CECR2: variants seen among roughly 807,000 people sequenced by gnomAD.
CECR2 encodes the protein chromatin remodeling regulator CECR2.
CECR2 carries 30 observed loss-of-function variants against 154.5 expected under a neutral mutation model. The observed-to-expected ratio is 0.19, with a 90% CI of 0.15 to 0.26. The LOEUF (loss-of-function observed/expected upper bound fraction) is 0.26. CECR2 is among the 10% of genes least tolerant of loss of function. The pLI is 1.00. For synonymous variants in CECR2, 725 were observed against 683.7 expected (o/e 1.06, Z -0.94); for missense variants, 1,743 against 1,829.3 (o/e 0.95, Z 0.86).
Position 17,456,149 on chromosome 22 carries a change from C to T in CECR2, c.127-21439C>T, listed in dbSNP as rs116884359. On this transcript the variant is annotated intron_variant, in intron 1 of 18. Coordinates refer to ENST00000262608, the MANE Select transcript of CECR2 (RefSeq NM_001290047.2). ...TCAATTATTATTATTATTATTATTG[C>T]AACACACTGAATAGTCTACTGTTGT... 8.3e-3 allele frequency among the ~76,000 whole-genome samples: 1,255 copies of T among 150,882 alleles called. 68 individuals carry two copies. In the East Asian group the frequency reaches 0.15, roughly 18 times the overall value.
intron 16 of CECR2, among the ~76,000 whole-genome samples, chr22:17,544,769 C>T (rs5992733): frequency 0.067 from 9,407 of 140,080 alleles, 465 homozygotes; most frequent in African/African-American, 0.14. Flanking sequence ...AAGATTACAC[C>T]ACTGCACTCC....
At chr22:17,521,230 A>C (rs1474074187) in intron 8 of CECR2, among the ~76,000 whole-genome samples, 2 of 152,118 alleles carry the variant, frequency 1.3e-5, no homozygotes, top group Non-Finnish European at 2.9e-5. Context: ...TTGGCTGCAT[A>C]AATGTCTTCT....
chr22:17,418,588 G>GTT (rs1320363452), intron 1 of CECR2: 1 of 161,810 alleles, frequency 6.2e-6, no homozygotes, highest in Non-Finnish European at 1.4e-5. Context: ...TTTAAGTATT[G>GTT]TTTAGTCTTT....
At chr22:17,544,978 A>G (rs1384461787) in intron 16 of CECR2, among the ~76,000 whole-genome samples, 1 of 152,156 alleles carries the variant, frequency 6.6e-6, no homozygotes, top group African/African-American at 2.4e-5. Flanking sequence ...TCTCAATACC[A>G]TCTTGAAAGT....
rs994670946 is a variant in CECR2 at position 17,410,085 on chromosome 22, G to A, written c.126+40176G>A. 5.3e-5 allele frequency among the ~76,000 whole-genome samples: 8 copies of A among 150,150 alleles called. 2 individuals carry two copies. The highest frequency in any genetic ancestry group is 1.2e-4 in the Non-Finnish European group (8 of 67,408). ...CAATCTCCACCTCCTGGGTTCAAGCGATTCTCCTGCCTCAGCCTCCCGAGT... is the reference window on the plus strand; with the variant it reads ...CAATCTCCACCTCCTGGGTTCAAGCAATTCTCCTGCCTCAGCCTCCCGAGT... On this transcript the variant is annotated intron_variant, in intron 1 of 18. Coordinates refer to ENST00000262608, the MANE Select transcript of CECR2 (RefSeq NM_001290047.2).
At chr22:17,534,781 T>A (rs552914587) in intron 9 of CECR2, 280 of 140,752 alleles carry the variant, frequency 2.0e-3, no homozygotes, top group Non-Finnish European at 2.8e-3. Flanking sequence ...TCCACCTGCC[T>A]CAGCCTCCCA....
intron 1 of CECR2, among the ~76,000 whole-genome samples, chr22:17,410,607 C>T (rs1451486205): frequency 2.0e-5 from 3 of 152,044 alleles, no homozygotes; most frequent in African/African-American, 7.3e-5. Flanking sequence ...GCCACCACAC[C>T]CAACTAATTT....
intron 8 of CECR2, 114 bp from the exon 9 acceptor site, chr22:17,524,004 T>G (rs16979818): frequency 3.7e-6 from 3 of 803,598 alleles, no homozygotes; most frequent in Non-Finnish European, 5.9e-6. Flanking sequence ...TTTCGTGATA[T>G]AAAGTCCCTA....
chr22:17,420,761 T>C (rs2054233843), intron 1 of CECR2, among the ~76,000 whole-genome samples: 1 of 152,240 alleles, frequency 6.6e-6, no homozygotes, highest in Admixed American at 6.5e-5. Context: ...TCTGCTTATC[T>C]TATTTATACT....
At chr22:17,501,552 C>T (rs759473300) in intron 5 of CECR2, among the ~76,000 whole-genome samples, 10 of 151,148 alleles carry the variant, frequency 6.6e-5, no homozygotes, top group Admixed American at 2.6e-4. Context: ...AGCGATACTC[C>T]ATCTCAAAAA....
At chr22:17,372,955 G>A (rs536428371) in intron 1 of CECR2, among the ~76,000 whole-genome samples, 1 of 152,304 alleles carries the variant, frequency 6.6e-6, no homozygotes, top group East Asian at 1.9e-4. Flanking sequence ...CTCTAAGACA[G>A]GTGAAGGGCT....
At chr22:17,429,626 A>G (rs564428078) in intron 1 of CECR2, among the ~76,000 whole-genome samples, 2 of 152,280 alleles carry the variant, frequency 1.3e-5, no homozygotes, top group South Asian at 2.1e-4. Context: ...AGAGTAAGTT[A>G]TATCAATGGG....
chr22:17,416,780 G>A lies in CECR2; in HGVS notation c.126+46871G>A, dbSNP rs574506969. ...GTCTCCCAAAGTGCTGGGATTACAG[G>A]TGCGACCCACCACGCCTGGCATTGA... On this transcript the variant is annotated intron_variant, in intron 1 of 18. Coordinates refer to ENST00000262608, the MANE Select transcript of CECR2 (RefSeq NM_001290047.2). Among the ~76,000 whole-genome samples, 7 of 152,268 alleles carry A rather than the reference G, an allele frequency of 4.6e-5. No individual in the cohort carries two copies. In the South Asian group the frequency reaches 1.4e-3, roughly 32 times the overall value.
Position 17,516,091 on chromosome 22 carries a change from G to A in CECR2, c.954+4195G>A, listed in dbSNP as rs185134061. ...TATTATATATGTATGTGACTTCTTCGTGTAAAGGTTTTTTCACTTGAATTT... is the reference window on the plus strand; with the variant it reads ...TATTATATATGTATGTGACTTCTTCATGTAAAGGTTTTTTCACTTGAATTT... On this transcript the variant is annotated intron_variant, in intron 8 of 18. Coordinates refer to ENST00000262608, the MANE Select transcript of CECR2 (RefSeq NM_001290047.2). Among the ~76,000 whole-genome samples, 21 of 152,118 alleles carry A rather than the reference G, an allele frequency of 1.4e-4. No individual in the cohort carries two copies. The East Asian group carries it at 1.5e-3, about 11-fold the overall frequency.
chr22:17,489,240 T>C (rs2055481765), intron 2 of CECR2, among the ~76,000 whole-genome samples: 2 of 152,180 alleles, frequency 1.3e-5, no homozygotes, highest in South Asian at 4.1e-4. Context: ...GCCTAGTTAC[T>C]TCCTATCTTT....
chr22:17,378,371 A>G (rs1485944364), intron 1 of CECR2, among the ~76,000 whole-genome samples: 1 of 148,456 alleles, frequency 6.7e-6, no homozygotes, highest in East Asian at 2.0e-4. Context: ...ATCTCGGCTC[A>G]CTGCAACCTC....
intron 8 of CECR2, among the ~76,000 whole-genome samples, chr22:17,517,301 C>T (rs376875642): frequency 1.3e-5 from 2 of 152,342 alleles, no homozygotes; most frequent in Admixed American, 6.5e-5. Flanking sequence ...CCTTCCGCCA[C>T]GATTATAAGT....
chr22:17,551,972 T>G, intron 17 of CECR2, 59 bp from the exon 18 acceptor site: 3 of 1,530,518 alleles, frequency 2.0e-6, no homozygotes, highest in Non-Finnish European at 2.7e-6. Flanking sequence ...AGTGTCTTGT[T>G]TCTTCTGTCG....
chr22:17,412,438 C>G (rs1378781465), intron 1 of CECR2, among the ~76,000 whole-genome samples: 2 of 152,164 alleles, frequency 1.3e-5, no homozygotes, highest in Non-Finnish European at 2.9e-5. Context: ...GTGCCCAAAG[C>G]ATGCCTGGAT....
Sources: gnomAD v4.1 joint callset for allele counts (sites outside exome capture counted in the v4.1 genomes callset) on GRCh38, gnomAD v4.1.1 for gene constraint, MANE v1.5 for transcripts, NCBI Gene and HGNC (gene_info 2026-07-23, HGNC 2026-07-21) for gene names.